The following ANTXR2 variants were observed in gnomAD, a reference collection of about 807,000 sequenced individuals.
ANTXR2 encodes ANTXR cell adhesion molecule 2.
In ANTXR2, 44 loss-of-function variants were observed where a neutral mutation model predicts 73.7. The ratio of observed to expected loss-of-function variants is 0.60; its 90% CI spans 0.47 to 0.77. ANTXR2 has a LOEUF of 0.77. Ranked by LOEUF, ANTXR2 falls within the 30% of genes least tolerant of loss-of-function variation. ANTXR2 has a pLI of 0.00. For synonymous variants in ANTXR2, 217 were observed against 205.9 expected (o/e 1.05, Z -0.46); for missense variants, 604 against 592.5 (o/e 1.02, Z -0.20).
chr4:79,987,447 T>C (rs1463456096), intron 12 of ANTXR2, among the ~76,000 whole-genome samples: 3 of 151,912 alleles, frequency 2.0e-5, no homozygotes, highest in Non-Finnish European at 2.9e-5. Flanking sequence ...TTTTTAAAAA[T>C]GAAAAAACAA....
chr4:79,932,170 T>A (rs1728085167), intron 16 of ANTXR2, among the ~76,000 whole-genome samples: 1 of 152,192 alleles, frequency 6.6e-6, no homozygotes, highest in African/African-American at 2.4e-5. Flanking sequence ...AAATGAATAT[T>A]AAAGAAAATA....
chr4:79,983,973 G>C lies in ANTXR2; in HGVS notation c.1087-3C>G. On this transcript the variant is annotated splice_region_variant and splice_polypyrimidine_tract_variant and intron_variant, in intron 13 of 16. Coordinates refer to ENST00000403729, the MANE Select transcript of ANTXR2 (RefSeq NM_058172.6). ...GTAGGCAAAGGTTCTTCTTCCTCCT[G>C]TGGAAATATGTTTTATAAATAGTTT... The C allele has an allele frequency of 6.4e-7, 1 of 1,560,876 alleles. No individual in the cohort carries two copies. Among genetic ancestry groups the C allele is most frequent in the Non-Finnish European group, 8.7e-7 (1 of 1,152,220 alleles).
chr4:80,010,174 T>TC (rs2110058430), intron 11 of ANTXR2, among the ~76,000 whole-genome samples: 1 of 152,256 alleles, frequency 6.6e-6, no homozygotes, highest in Non-Finnish European at 1.5e-5. Flanking sequence ...GAAAGAACAT[T>TC]CCAAAGTGCA....
intron 12 of ANTXR2, among the ~76,000 whole-genome samples, chr4:79,987,440 T>C (rs557105920): frequency 7.1e-4 from 108 of 152,210 alleles, no homozygotes; most frequent in African/African-American, 2.5e-3. Context: ...TTAAGAATTT[T>C]TAAAAATGAA....
intron 3 of ANTXR2, among the ~76,000 whole-genome samples, chr4:80,060,696 C>T (rs1381277232): frequency 6.6e-6 from 1 of 152,016 alleles, no homozygotes; most frequent in African/African-American, 2.4e-5. Context: ...CTTACTGTGC[C>T]TAAATTATAA....
At chr4:80,056,987 TAAG>T (rs1336403805) in intron 3 of ANTXR2, among the ~76,000 whole-genome samples, 11 of 151,858 alleles carry the variant, frequency 7.2e-5, no homozygotes, top group African/African-American at 2.2e-4. Context: ...ATTTAAAAGA[TAAG>T]AAGATATCTT....
At chr4:80,066,979 C>T (rs764285994) in intron 3 of ANTXR2, among the ~76,000 whole-genome samples, 41 of 152,040 alleles carry the variant, frequency 2.7e-4, no homozygotes, top group Non-Finnish European at 5.1e-4. Context: ...GGACGGATCA[C>T]GAGGTCAGGA....
chr4:79,912,516 T>C (rs903511907), intron 16 of ANTXR2, among the ~76,000 whole-genome samples: 2 of 152,066 alleles, frequency 1.3e-5, no homozygotes, highest in South Asian at 4.1e-4. Context: ...CAAACTTATA[T>C]TGAAAACATT....
chr4:79,933,169 A>C (rs1362003720), intron 16 of ANTXR2, among the ~76,000 whole-genome samples: 1 of 152,206 alleles, frequency 6.6e-6, no homozygotes, highest in Non-Finnish European at 1.5e-5. Context: ...ATGCCAGGTG[A>C]CTGCTATCAT....
rs570738048 is a variant in ANTXR2, at chr4:79,971,759, A to G, written c.1428+5862T>C. On this transcript the variant is annotated intron_variant, in intron 16 of 16. Transcript: ENST00000403729. The stretch of plus-strand genomic sequence containing the variant: ...GGATCCCTTCCTTACACTTTATACA[A>G]AAATTAATTCAAGATGGATTAAAGA... Among the ~76,000 whole-genome samples, 5 of 54,112 alleles carry G rather than the reference A, an allele frequency of 9.2e-5. 2 individuals are homozygous for G. Among genetic ancestry groups the G allele is most frequent in the African/African-American group, 3.3e-4 (5 of 14,942 alleles). The allele number at this position is 54,112 out of a possible 152,430, so 35.5% of individuals were successfully genotyped here. A position where few individuals can be genotyped will look rare whatever the true frequency, so the allele number is the denominator to read the frequency against.
chr4:79,948,050 GA>G (rs1204156520), intron 16 of ANTXR2, among the ~76,000 whole-genome samples: 2 of 152,182 alleles, frequency 1.3e-5, no homozygotes, highest in African/African-American at 2.4e-5. Context: ...AGAAATAGTG[GA>G]AAAAATATGT....
intron 10 of ANTXR2, among the ~76,000 whole-genome samples, chr4:80,022,309 A>G (rs1436406374): frequency 6.6e-6 from 1 of 152,224 alleles, no homozygotes; most frequent in African/African-American, 2.4e-5. Flanking sequence ...GTGTATAGAT[A>G]TATGTATTCT....
At chr4:79,956,807 T>A (rs1363234267) in intron 16 of ANTXR2, among the ~76,000 whole-genome samples, 2 of 151,908 alleles carry the variant, frequency 1.3e-5, no homozygotes, top group African/African-American at 4.8e-5. Context: ...ATAGAAGCAT[T>A]GGAAGTATTG....
intron 9 of ANTXR2, among the ~76,000 whole-genome samples, chr4:80,032,326 T>A (rs1732733143): frequency 1.3e-5 from 2 of 151,892 alleles, no homozygotes; most frequent in African/African-American, 4.8e-5. Context: ...GAAATACGTT[T>A]ATTTTATAAT....
intron 12 of ANTXR2, among the ~76,000 whole-genome samples, chr4:80,003,932 T>G (rs1208268365): frequency 6.6e-6 from 1 of 152,088 alleles, no homozygotes; most frequent in Non-Finnish European, 1.5e-5. Flanking sequence ...AATGAAAACT[T>G]AAGTTTATGT....
chr4:80,072,489 G>A lies in ANTXR2; in HGVS notation c.72C>T (p.Leu24=). ...CGCGCAGCAGCCCCCCGGGACCGCT[G>A]AGCACCAACAGCCACAGCCCGGGGA... ...WLFPGLWLLV[L]SGPGGLLRAQ... is the part of the protein sequence containing the mutation. The change falls in exon 1 of 17, where the codon CTC becomes CTT. Residue 24 remains leucine (L), a synonymous_variant. Transcript: ENST00000403729. 6.2e-7 allele frequency: 1 copy of A among 1,609,420 alleles called. No homozygotes were observed. Among genetic ancestry groups the A allele is most frequent in the African/African-American group, 1.3e-5 (1 of 74,612 alleles).
intron 7 of ANTXR2, among the ~76,000 whole-genome samples, chr4:80,050,904 A>G (rs551402708): frequency 6.6e-6 from 1 of 151,854 alleles, no homozygotes. Context: ...TTATTTATGA[A>G]ATATGAGCGC....
chr4:79,991,996 A>G (rs1730492760), intron 12 of ANTXR2, among the ~76,000 whole-genome samples: 1 of 151,976 alleles, frequency 6.6e-6, no homozygotes, highest in Non-Finnish European at 1.5e-5. Context: ...TTGAAAAACT[A>G]CCCATCAGGT....
Position 80,057,727 on chromosome 4 carries a change from A to G in ANTXR2, c.297-1714T>C, listed in dbSNP as rs544867607. Among the ~76,000 whole-genome samples the G allele has an allele frequency of 4.5e-4, 69 of 152,122 alleles. 1 individual carries two copies. The highest frequency in any genetic ancestry group is 1.6e-3 in the African/African-American group (68 of 41,560). On this transcript the variant is annotated intron_variant, in intron 3 of 16. Coordinates refer to ENST00000403729, the MANE Select transcript of ANTXR2 (RefSeq NM_058172.6). ...TAAAAAAAAGTTCTCTCCTAAAAACATTCAACTTTCTAATAATTTAACTAA... is the reference window on the plus strand; with the variant it reads ...TAAAAAAAAGTTCTCTCCTAAAAACGTTCAACTTTCTAATAATTTAACTAA...
Sources: allele counts gnomAD v4.1 joint callset (sites outside exome capture counted in the v4.1 genomes callset), GRCh38; gene constraint gnomAD v4.1.1; transcripts MANE v1.5; gene names NCBI Gene and HGNC (gene_info 2026-07-23, HGNC 2026-07-21).